CLSTN2: variants seen among roughly 807,000 people sequenced by gnomAD.
CLSTN2 encodes calsyntenin-2.
A neutral mutation model predicts 101.2 loss-of-function variants in CLSTN2; 48 were observed. That is an observed-to-expected ratio of 0.47 (90% confidence interval 0.38 to 0.60). The LOEUF is 0.60. Among genes scored for constraint, CLSTN2 ranks in the 20% least tolerant of loss-of-function variants. The pLI, the probability that CLSTN2 is intolerant of heterozygous loss-of-function variation, is 0.00. For missense variants in CLSTN2, 1,160 were observed against 1,238.2 expected (o/e 0.94, Z 0.95); for synonymous variants, 481 against 463.6 (o/e 1.04, Z -0.48).
intron 2 of CLSTN2, among the ~76,000 whole-genome samples, chr3:140,193,829 T>G (rs1442216956): frequency 6.6e-6 from 1 of 152,136 alleles, no homozygotes; most frequent in Non-Finnish European, 1.5e-5. Flanking sequence ...TTTGTAAGTC[T>G]GTTTTCTCTC....
At chr3:140,096,271 T>A (rs1197803182) in intron 1 of CLSTN2, among the ~76,000 whole-genome samples, 1 of 152,132 alleles carries the variant, frequency 6.6e-6, no homozygotes, top group Non-Finnish European at 1.5e-5. Context: ...GCTTCCTGTT[T>A]CCCTCTCTGG....
intron 2 of CLSTN2, among the ~76,000 whole-genome samples, chr3:140,355,820 A>C (rs931577666): frequency 3.3e-5 from 5 of 152,264 alleles, no homozygotes; most frequent in African/African-American, 1.2e-4. Flanking sequence ...AGGATGTCAC[A>C]GAGAAAAGAG....
At chr3:140,051,029 T>C (rs1423961341) in intron 1 of CLSTN2, among the ~76,000 whole-genome samples, 2 of 152,196 alleles carry the variant, frequency 1.3e-5, no homozygotes, top group Non-Finnish European at 2.9e-5. Context: ...CTGTCCTGGA[T>C]TGAACACAGC....
intron 1 of CLSTN2, among the ~76,000 whole-genome samples, chr3:139,943,665 G>A (rs570870061): frequency 6.6e-6 from 1 of 152,118 alleles, no homozygotes; most frequent in African/African-American, 2.4e-5. Context: ...TTCCCCAGGG[G>A]TGCTATCACC....
chr3:140,392,188 T>A (rs1285840673), intron 2 of CLSTN2, among the ~76,000 whole-genome samples: 3 of 151,032 alleles, frequency 2.0e-5, no homozygotes, highest in African/African-American at 7.3e-5. Flanking sequence ...TACAAATAAT[T>A]GTGTAATATA....
chr3:140,080,017 T>TA (rs1305581360), intron 1 of CLSTN2, among the ~76,000 whole-genome samples: 1 of 152,188 alleles, frequency 6.6e-6, no homozygotes, highest in Non-Finnish European at 1.5e-5. Flanking sequence ...AATTCAGTCA[T>TA]ATGAGGCATT....
At chr3:140,538,015 T>C (rs1935391519) in intron 9 of CLSTN2, among the ~76,000 whole-genome samples, 1 of 152,218 alleles carries the variant, frequency 6.6e-6, no homozygotes, top group Non-Finnish European at 1.5e-5. Context: ...GTTTTACCTA[T>C]TTTGTGTTAG....
intron 9 of CLSTN2, 90 bp from the exon 10 acceptor site, chr3:140,546,425 G>T: frequency 7.4e-7 from 1 of 1,343,560 alleles, no homozygotes; most frequent in East Asian, 2.3e-5. Flanking sequence ...ACACAATCAA[G>T]GCGTCTTTGG....
At chr3:140,050,528 C>T (rs537634724) in intron 1 of CLSTN2, among the ~76,000 whole-genome samples, 10 of 152,286 alleles carry the variant, frequency 6.6e-5, no homozygotes, top group Admixed American at 3.9e-4. Context: ...GTGGGCCAGC[C>T]GAAGAGCTGC....
intron 2 of CLSTN2, among the ~76,000 whole-genome samples, chr3:140,339,267 C>T (rs141209002): frequency 7.9e-5 from 12 of 152,266 alleles, no homozygotes; most frequent in Non-Finnish European, 1.6e-4. Context: ...TCCCCCATGA[C>T]CAGTGTTCTG....
At chr3:140,497,648 C>T (rs1934495633) in intron 8 of CLSTN2, among the ~76,000 whole-genome samples, 1 of 152,196 alleles carries the variant, frequency 6.6e-6, no homozygotes. Flanking sequence ...CGACACTTCT[C>T]AGCTCCCTGG....
intron 8 of CLSTN2, among the ~76,000 whole-genome samples, chr3:140,519,196 G>A (rs192381271): frequency 2.0e-5 from 3 of 152,160 alleles, no homozygotes; most frequent in Non-Finnish European, 2.9e-5. Context: ...CTGAGAGACC[G>A]TTTGCTATGA....
intron 2 of CLSTN2, among the ~76,000 whole-genome samples, chr3:140,356,046 A>G (rs1386171681): frequency 6.6e-6 from 1 of 152,212 alleles, no homozygotes. Flanking sequence ...AGGGTCCTTC[A>G]TGCTGGGGTA....
intron 1 of CLSTN2, among the ~76,000 whole-genome samples, chr3:140,004,484 C>T (rs1576394016): frequency 6.6e-6 from 1 of 152,222 alleles, no homozygotes; most frequent in Non-Finnish European, 1.5e-5. Flanking sequence ...AAGAGCCATT[C>T]ACAGGAGCAG....
At chr3:139,956,831 T>A (rs1935410856) in intron 1 of CLSTN2, among the ~76,000 whole-genome samples, 1 of 152,158 alleles carries the variant, frequency 6.6e-6, no homozygotes, top group East Asian at 1.9e-4. Flanking sequence ...CTGGTATGCA[T>A]CCTTTTGCCT....
At chr3:140,237,060 T>C (rs1345390979) in intron 2 of CLSTN2, among the ~76,000 whole-genome samples, 1 of 152,134 alleles carries the variant, frequency 6.6e-6, no homozygotes, top group East Asian at 1.9e-4. Flanking sequence ...TGCCAAATAA[T>C]TTTTTATTGG....
intron 1 of CLSTN2, among the ~76,000 whole-genome samples, chr3:140,050,732 G>A (rs1473361058): frequency 5.9e-5 from 9 of 152,188 alleles, no homozygotes; most frequent in Admixed American, 3.9e-4. Flanking sequence ...GCAGTCCATA[G>A]AGGTCAGCCT....
chr3:140,478,671 A>G (rs1253911527), intron 8 of CLSTN2, among the ~76,000 whole-genome samples: 1 of 152,212 alleles, frequency 6.6e-6, no homozygotes, highest in African/African-American at 2.4e-5. Context: ...TTGCACAACT[A>G]TATAAATTTA....
chr3:140,104,069 T>C (rs2009012407), intron 1 of CLSTN2, among the ~76,000 whole-genome samples: 2 of 152,186 alleles, frequency 1.3e-5, no homozygotes, highest in African/African-American at 4.8e-5. Flanking sequence ...TAAATTTAGC[T>C]GGAATGGAAG....
Sources: gnomAD v4.1 joint callset for allele counts (sites outside exome capture counted in the v4.1 genomes callset) on GRCh38, gnomAD v4.1.1 for gene constraint, MANE v1.5 for transcripts, NCBI Gene and HGNC (gene_info 2026-07-23, HGNC 2026-07-21) for gene names.